POLQ: variants seen among roughly 807,000 people sequenced by gnomAD.
POLQ encodes the protein DNA polymerase theta.
A neutral mutation model predicts 259.2 loss-of-function variants in POLQ; 233 were observed. That is an observed-to-expected ratio of 0.90 (90% CI 0.81 to 1.00). The LOEUF (loss-of-function observed/expected upper bound fraction) is 1.00, where lower values mean the gene tolerates loss of function less well. POLQ is among the 50% of genes least tolerant of loss of function. The pLI, the probability that POLQ is intolerant of heterozygous loss-of-function variation, is 0.00. For synonymous variants in POLQ, 1,025 were observed against 1,048.8 expected (o/e 0.98, Z 0.44); for missense variants, 2,871 against 3,051.6 (o/e 0.94, Z 1.39).
At chr3:121,516,510 G>GTA (rs1207789389) in intron 9 of POLQ, among the ~76,000 whole-genome samples, 2 of 152,136 alleles carry the variant, frequency 1.3e-5, no homozygotes, top group African/African-American at 4.8e-5. Context: ...ATGAACATCA[G>GTA]TATATATGTA....
chr3:121,517,026 T>C (rs2048302836), intron 9 of POLQ, among the ~76,000 whole-genome samples: 1 of 152,226 alleles, frequency 6.6e-6, no homozygotes, highest in Admixed American at 6.5e-5. Context: ...TTCTTTCCCA[T>C]AATAAATATA....
intron 15 of POLQ, among the ~76,000 whole-genome samples, chr3:121,492,762 A>G (rs1260376978): frequency 2.0e-5 from 3 of 150,880 alleles, no homozygotes; most frequent in African/African-American, 2.4e-5. Flanking sequence ...CACATCCCCA[A>G]GTAGCTGGGA....
At chr3:121,433,723 C>T (rs1479846530) in intron 28 of POLQ, among the ~76,000 whole-genome samples, 1 of 152,118 alleles carries the variant, frequency 6.6e-6, no homozygotes, top group Non-Finnish European at 1.5e-5. Context: ...CAGATTATGC[C>T]CTTCTGACCA....
At chr3:121,462,512 G>T (rs1194636578) in intron 24 of POLQ, among the ~76,000 whole-genome samples, 1 of 152,176 alleles carries the variant, frequency 6.6e-6, no homozygotes, top group Non-Finnish European at 1.5e-5. Context: ...GTGCATAAAA[G>T]GAGCACCAGA....
intron 9 of POLQ, among the ~76,000 whole-genome samples, chr3:121,519,136 C>T (rs1189377201): frequency 3.3e-5 from 5 of 151,960 alleles, no homozygotes; most frequent in African/African-American, 7.3e-5. Context: ...TGTGAGGGTG[C>T]ATCCCAGCAT....
rs536220936 is a variant in POLQ at position 121,449,446 on chromosome 3, C to A, written c.7153-20G>T. ...GCAAATCTGAAAGGGAGTCATCCAA[C>A]AAATAAAGGTTATAAGTACATAAAA... On this transcript the variant is annotated intron_variant, in intron 25 of 29. Coordinates refer to ENST00000264233, the MANE Select transcript of POLQ (RefSeq NM_199420.4). The A allele has an allele frequency of 1.0e-4, 131 of 1,286,668 alleles. No homozygotes were observed. Among genetic ancestry groups the A allele is most frequent in the Admixed American group, 3.2e-4 (19 of 59,194 alleles). 79.7% of individuals were successfully genotyped at this position (1,286,668 alleles called of 1,614,324 possible).
At chr3:121,493,754 A>AT (rs773407620) in intron 14 of POLQ, 33 bp from the exon 15 acceptor site, 173 of 1,567,372 alleles carry the variant, frequency 1.1e-4, no homozygotes, top group Non-Finnish European at 1.4e-4. Context: ...GTTGAATTCA[A>AT]TTTTTTTTAC....
intron 9 of POLQ, among the ~76,000 whole-genome samples, 180 bp downstream of exon 9, chr3:121,519,691 A>AG (rs1560105469): frequency 6.6e-6 from 1 of 151,468 alleles, no homozygotes; most frequent in African/African-American, 2.4e-5. Context: ...AAAAAAAAAA[A>AG]AAAGAAAATT....
At position 121,528,301 on chromosome 3, in the gene POLQ, G is replaced by A. The variant is rs1249863050; in HGVS notation, c.1108+1344C>T. Among the ~76,000 whole-genome samples, 8 of 150,508 alleles carry A rather than the reference G, an allele frequency of 5.3e-5. No homozygotes were observed. In the South Asian group the frequency reaches 6.3e-4, roughly 12 times the overall value. On this transcript the variant is annotated intron_variant, in intron 7 of 29. Transcript: ENST00000264233. ...CACATCCAGCTAATTTTTGTATTTA[G>A]GAGAGATGGGGTTTCACTATGTTGG...
chr3:121,501,888 G>A (rs1284364627), intron 12 of POLQ, among the ~76,000 whole-genome samples: 2 of 150,810 alleles, frequency 1.3e-5, no homozygotes, highest in Admixed American at 6.6e-5. Flanking sequence ...GACTCGGGAG[G>A]CTGAGGCATG....
At chr3:121,452,869 A>T (rs2047691276) in intron 25 of POLQ, among the ~76,000 whole-genome samples, 1 of 152,216 alleles carries the variant, frequency 6.6e-6, no homozygotes, top group Admixed American at 6.5e-5. Context: ...CCTGTCTGAC[A>T]GCTTTGAAGA....
intron 17 of POLQ, 29 bp from the exon 18 acceptor site, chr3:121,483,611 A>G: frequency 6.7e-7 from 1 of 1,489,516 alleles, no homozygotes. Context: ...AAAGGAAAAA[A>G]CATTTTTAAG....
At chr3:121,434,545 G>A (rs2047527477) in intron 28 of POLQ, among the ~76,000 whole-genome samples, 1 of 152,156 alleles carries the variant, frequency 6.6e-6, no homozygotes, top group East Asian at 1.9e-4. Flanking sequence ...ATATAAATGT[G>A]TATGTGTGTG....
chr3:121,505,238 T>C (rs958781524), intron 12 of POLQ, among the ~76,000 whole-genome samples: 1 of 152,228 alleles, frequency 6.6e-6, no homozygotes, highest in African/African-American at 2.4e-5. Context: ...GGAAGCTTTC[T>C]GAGGCCTCCC....
Position 121,539,588 on chromosome 3 carries a change from C to A in POLQ, c.476G>T (p.Ser159Ile). The change falls in exon 4 of 30, where the codon AGT becomes ATT. Residue 159 changes from serine (S) to isoleucine (I), a missense_variant and splice_region_variant. Ser to Ile is a moderately radical substitution (Grantham distance 142, BLOSUM62 -2). Around this residue, in one of 3 missense-constraint regions of POLQ, gnomAD observed 783 missense variants for 906.2 expected, o/e 0.86. Transcript: ENST00000264233. ...TTTTATTCCTACTTCCTGAAACAGA[C>A]TCTGAATTGAGTAAAAAGGAACAAT... ...VAKEKKYYLQ[S>I]LFQEVGIKVD... is the part of the protein sequence containing the mutation. 6.2e-7 allele frequency: 1 copy of A among 1,611,362 alleles called. No individual in the cohort carries two copies.
rs142142058 is a variant in POLQ at position 121,454,353 on chromosome 3, T to C, written c.7153-4927A>G. ...TGAGCAAAATAACCAGTTAACATCA[T>C]AATGACAGGATCAAATTCACACATA... On this transcript the variant is annotated intron_variant, in intron 25 of 29. Transcript: ENST00000264233. Among the ~76,000 whole-genome samples the C allele has an allele frequency of 2.1e-3, 318 of 152,322 alleles. 8 individuals are homozygous for C. In the East Asian group the frequency reaches 0.056, roughly 27 times the overall value.
At chr3:121,506,390 C>T (rs2048209410) in intron 12 of POLQ, among the ~76,000 whole-genome samples, 1 of 149,910 alleles carries the variant, frequency 6.7e-6, no homozygotes, top group Non-Finnish European at 1.5e-5. Context: ...AGCAATCACT[C>T]TCCATTTTCA....
rs1365984094 is a variant in POLQ, at chr3:121,498,567, C to A, written c.2063G>T (p.Gly688Val). 1 of 1,614,082 alleles carries A rather than the reference C, an allele frequency of 6.2e-7. No homozygotes were observed. Among genetic ancestry groups the A allele is most frequent in the Non-Finnish European group, 8.5e-7 (1 of 1,179,934 alleles). ...ACGGGCCAAGAACCCCTCTTCAACT[C>A]CCACTAGCTCTGCCACCCTTTTCAT... Reference protein sequence around the residue: ...TSMKRVAELVGVEEGFLARCV... With the variant: ...TSMKRVAELVVVEEGFLARCV... The change falls in exon 13 of 30, where the codon GGA (glycine) becomes GTA (valine). Residue 688 changes from glycine (G) to valine (V), a missense_variant. Physicochemically the swap from Gly to Val is moderately radical, Grantham distance 109. Transcript: ENST00000264233.
chr3:121,472,262 T>C (rs1355250627), intron 21 of POLQ, 98 bp from the exon 22 acceptor site: 2 of 557,668 alleles, frequency 3.6e-6, no homozygotes, highest in African/African-American at 3.7e-5. Context: ...AAATTAAATT[T>C]GAGAGTAATA....
Sources: gnomAD v4.1 joint callset for allele counts (sites outside exome capture counted in the v4.1 genomes callset) on GRCh38, gnomAD v4.1.1 for gene constraint, gnomAD v4.1.1 regional missense constraint, MANE v1.5 for transcripts, NCBI Gene and HGNC (gene_info 2026-07-23, HGNC 2026-07-21) for gene names.